The following HYDIN variants were observed in gnomAD, a reference collection of about 807,000 sequenced individuals.
HYDIN encodes the protein HYDIN axonemal central pair apparatus protein, also known as axonemal central pair apparatus protein HYDIN.
In HYDIN, 132 loss-of-function variants were observed where a neutral mutation model predicts 403.9. The observed-to-expected ratio is 0.33, with a 90% CI of 0.28 to 0.38. The LOEUF (loss-of-function observed/expected upper bound fraction) is 0.38. Among genes scored for constraint, HYDIN ranks in the 10% least tolerant of loss-of-function variants. The pLI, the probability that HYDIN is intolerant of heterozygous loss-of-function variation, is 1.00. For missense variants in HYDIN, 2,827 were observed against 5,009.5 expected, an observed-to-expected ratio of 0.56 and a Z score of 13.15; for synonymous variants, 1,202 against 1,891.7, an observed-to-expected ratio of 0.64 and a Z score of 9.46.
chr16:71,009,868 G>T (rs982710400), intron 23 of HYDIN, among the ~76,000 whole-genome samples: 1 of 123,032 alleles, frequency 8.1e-6, no homozygotes, highest in East Asian at 2.3e-4. Context: ...TGCAGCTTCC[G>T]GAGGGAGCAG....
At chr16:71,042,281 G>C (rs561207267) in intron 18 of HYDIN, among the ~76,000 whole-genome samples, 1 of 152,156 alleles carries the variant, frequency 6.6e-6, no homozygotes, top group African/African-American at 2.4e-5. Context: ...CCCATTGCAC[G>C]AATCCTTACC....
At position 70,965,625 on chromosome 16, in the gene HYDIN, C is replaced by T. The variant is rs549583948; in HGVS notation, c.5620-729G>A. 6.6e-3 allele frequency among the ~76,000 whole-genome samples: 1,007 copies of T among 152,312 alleles called. 9 individuals carry two copies. Among genetic ancestry groups the T allele is most frequent in the Non-Finnish European group, 0.011 (731 of 68,030 alleles). ...AAGTTTTAAAAAGCATTTACTTCTT[C>T]TACAACCTGATTTATTGGTATCAAA... On this transcript the variant is annotated intron_variant, in intron 36 of 85. Transcript: ENST00000393567.
intron 85 of HYDIN, among the ~76,000 whole-genome samples, chr16:70,808,898 T>C (rs183542902): frequency 2.0e-5 from 3 of 152,298 alleles, no homozygotes; most frequent in African/African-American, 7.2e-5. Context: ...TGATAAACCA[T>C]CTTGGCCCAC....
intron 6 of HYDIN, among the ~76,000 whole-genome samples, chr16:71,156,411 A>G (rs1241282553): frequency 2.0e-5 from 3 of 152,154 alleles, no homozygotes; most frequent in African/African-American, 7.2e-5. Context: ...TTTTACTAAA[A>G]TGCAGACAGG....
chr16:71,028,545 A>C (rs1380892408), intron 19 of HYDIN, among the ~76,000 whole-genome samples: 3 of 151,766 alleles, frequency 2.0e-5, no homozygotes, highest in Non-Finnish European at 4.4e-5. Context: ...TATGGTTCAA[A>C]TGTGTTTTTG....
intron 29 of HYDIN, among the ~76,000 whole-genome samples, chr16:70,980,065 G>A (rs2079002001): frequency 6.6e-6 from 1 of 151,216 alleles, no homozygotes; most frequent in Non-Finnish European, 1.5e-5. Context: ...GCCAAACCAT[G>A]TCTACTGCCC....
At position 71,184,851 on chromosome 16, in the gene HYDIN, C is replaced by A; in HGVS notation, c.261+14G>T. 1 of 1,590,890 alleles carries A rather than the reference C, an allele frequency of 6.3e-7. No individual in the cohort carries two copies. Among genetic ancestry groups the A allele is most frequent in the Non-Finnish European group, 8.6e-7 (1 of 1,165,966 alleles). On this transcript the variant is annotated intron_variant, in intron 3 of 85. Transcript: ENST00000393567. ...GGGCCCACTTTATATGTAAGTACGA[C>A]AGAGAGCAGCTACCTTCTGATGTGT...
intron 23 of HYDIN, among the ~76,000 whole-genome samples, chr16:70,999,755 GAACCCATT>G (rs1177398977): frequency 6.6e-6 from 1 of 151,076 alleles, no homozygotes; most frequent in Non-Finnish European, 1.5e-5. Context: ...GGAAGAAGAG[GAACCCATT>G]CTGATTGTAA....
At chr16:71,081,448 C>T (rs1186853071) in intron 12 of HYDIN, among the ~76,000 whole-genome samples, 1 of 151,834 alleles carries the variant, frequency 6.6e-6, no homozygotes, top group African/African-American at 2.4e-5. Context: ...CGTCAACAAA[C>T]AGGCCGACAG....
intron 28 of HYDIN, among the ~76,000 whole-genome samples, chr16:70,981,913 G>A (rs1438707200): frequency 2.0e-5 from 3 of 152,030 alleles, no homozygotes; most frequent in African/African-American, 7.2e-5. Context: ...TGGATCACGA[G>A]GTCAGGAGAT....
At chr16:70,995,579 C>A (rs998439629) in intron 23 of HYDIN, among the ~76,000 whole-genome samples, 16 of 152,240 alleles carry the variant, frequency 1.1e-4, no homozygotes, top group African/African-American at 3.6e-4. Flanking sequence ...CCTTTCTTCA[C>A]TGGAAGCAGT....
At chr16:70,949,648 A>G (rs1597393579) in intron 41 of HYDIN, among the ~76,000 whole-genome samples, 1 of 152,186 alleles carries the variant, frequency 6.6e-6, no homozygotes, top group Non-Finnish European at 1.5e-5. Context: ...CTCATGCTTT[A>G]TGAGAGCTTC....
intron 1 of HYDIN, among the ~76,000 whole-genome samples, chr16:71,202,041 T>G (rs977353668): frequency 6.6e-6 from 1 of 152,244 alleles, no homozygotes; most frequent in Non-Finnish European, 1.5e-5. Context: ...AAAGCCATGT[T>G]TGCCTTACTA....
In HYDIN at chr16:70,805,783, T is replaced by C. The variant is rs188300122; in HGVS notation, c.*1797A>G. Among the ~76,000 whole-genome samples the C allele has an allele frequency of 1.2e-4, 19 of 152,292 alleles. No individual in the cohort carries two copies. Among genetic ancestry groups the C allele is most frequent in the African/African-American group, 3.8e-4 (16 of 41,566 alleles). On this transcript the variant is annotated 3_prime_UTR_variant, in exon 86 of 86. Coordinates refer to ENST00000393567, the MANE Select transcript of HYDIN (RefSeq NM_001270974.2). ...TGTCTTTAGAGGTTATAGAAATAAATTGTCTATTGAGTATGGCAGTCCTCC... is the reference window on the plus strand; with the variant it reads ...TGTCTTTAGAGGTTATAGAAATAAACTGTCTATTGAGTATGGCAGTCCTCC...
chr16:70,912,043 G>A (rs1187942985), intron 47 of HYDIN, among the ~76,000 whole-genome samples: 1 of 151,948 alleles, frequency 6.6e-6, no homozygotes, highest in Non-Finnish European at 1.5e-5. Context: ...AAATGACCAC[G>A]TCATCAGCAA....
At chr16:71,030,767 G>T (rs1228067316) in intron 19 of HYDIN, among the ~76,000 whole-genome samples, 1 of 152,166 alleles carries the variant, frequency 6.6e-6, no homozygotes, top group Non-Finnish European at 1.5e-5. Context: ...AGATTGTTCT[G>T]CTCAGAGGTG....
At chr16:70,883,862 C>T (rs1350614931) in intron 59 of HYDIN, 58 bp downstream of exon 59, 2 of 1,558,094 alleles carry the variant, frequency 1.3e-6, no homozygotes, top group African/African-American at 3.0e-5. Context: ...TGAGCCACTG[C>T]ACCAGGTCTC....
At chr16:70,996,494 T>C (rs1390636136) in intron 23 of HYDIN, among the ~76,000 whole-genome samples, 2 of 151,848 alleles carry the variant, frequency 1.3e-5, no homozygotes, top group African/African-American at 2.4e-5. Flanking sequence ...CTTCCCCACT[T>C]GTGCACTATG....
chr16:70,913,422 T>C (rs2076750593), intron 47 of HYDIN, among the ~76,000 whole-genome samples: 1 of 151,902 alleles, frequency 6.6e-6, no homozygotes, highest in Non-Finnish European at 1.5e-5. Context: ...AATTTTCATG[T>C]ATTTGCATGG....
Sources: allele counts gnomAD v4.1 joint callset (sites outside exome capture counted in the v4.1 genomes callset), GRCh38; gene constraint gnomAD v4.1.1; transcripts MANE v1.5; gene names NCBI Gene and HGNC (gene_info 2026-07-23, HGNC 2026-07-21).